The following NF1 variants were observed in gnomAD, a reference collection of about 807,000 sequenced individuals.
NF1 encodes neurofibromin.
NF1 carries 122 observed loss-of-function variants against 325.7 expected under a neutral mutation model. The ratio of observed to expected loss-of-function variants is 0.37; its 90% CI spans 0.32 to 0.44. NF1 has a LOEUF of 0.44. Among genes scored for constraint, NF1 ranks in the 20% least tolerant of loss-of-function variants. The pLI is 1.00. For missense variants in NF1, 2,140 were observed against 3,415.4 expected (o/e 0.63, Z 9.31); for synonymous variants, 1,091 against 1,186.0 (o/e 0.92, Z 1.65).
At chr17:31,232,347 G>C (rs2067127565) in intron 25 of NF1, among the ~76,000 whole-genome samples, 158 bp downstream of exon 25, 1 of 151,898 alleles carries the variant, frequency 6.6e-6, no homozygotes, top group Non-Finnish European at 1.5e-5. Context: ...GTGAAATTTT[G>C]CTTATAATAA....
At chr17:31,291,928 A>G (rs981295555) in intron 36 of NF1, among the ~76,000 whole-genome samples, 1 of 152,224 alleles carries the variant, frequency 6.6e-6, no homozygotes, top group African/African-American at 2.4e-5. Flanking sequence ...GGAATTTCTC[A>G]TAGCATTGGG....
At chr17:31,179,802 G>C (rs1349701626) in intron 5 of NF1, among the ~76,000 whole-genome samples, 1 of 151,218 alleles carries the variant, frequency 6.6e-6, no homozygotes, top group Admixed American at 6.6e-5. Context: ...AAAAATCAAT[G>C]AATCCAGGAG....
intron 17 of NF1, among the ~76,000 whole-genome samples, chr17:31,225,659 T>C (rs1349867120): frequency 6.6e-6 from 1 of 152,198 alleles, no homozygotes; most frequent in Non-Finnish European, 1.5e-5. Context: ...TTTTGCTTCA[T>C]GTTAAAGATA....
At chr17:31,339,920 G>A (rs886226564) in intron 46 of NF1, among the ~76,000 whole-genome samples, 7 of 152,206 alleles carry the variant, frequency 4.6e-5, no homozygotes, top group African/African-American at 1.4e-4. Flanking sequence ...ACAATGGAGG[G>A]AAGGTGGGTA....
intron 36 of NF1, chr17:31,313,870 A>G (rs1050085511): frequency 2.3e-5 from 9 of 392,334 alleles, no homozygotes; most frequent in Admixed American, 4.4e-5. Context: ...AAAACCTGTT[A>G]TAGACATCTT....
chr17:31,318,649 T>C (rs1173999123), intron 36 of NF1: 1 of 1,613,988 alleles, frequency 6.2e-7, no homozygotes, highest in Non-Finnish European at 8.5e-7. Flanking sequence ...GACATCCTTT[T>C]TGAAAATTTC....
intron 4 of NF1, among the ~76,000 whole-genome samples, chr17:31,169,161 T>C (rs2065892605): frequency 6.6e-6 from 1 of 152,178 alleles, no homozygotes; most frequent in Non-Finnish European, 1.5e-5. Flanking sequence ...TTTTTGACAG[T>C]TGAGATGCCT....
At chr17:31,246,109 T>C (rs896344417) in intron 29 of NF1, among the ~76,000 whole-genome samples, 1 of 152,216 alleles carries the variant, frequency 6.6e-6, no homozygotes, top group Non-Finnish European at 1.5e-5. Flanking sequence ...GAGTACTTAG[T>C]GTGGAATACC....
At chr17:31,311,579 A>G (rs191918910) in intron 36 of NF1, among the ~76,000 whole-genome samples, 169 of 152,352 alleles carry the variant, frequency 1.1e-3, no homozygotes, top group African/African-American at 3.8e-3. Flanking sequence ...CAACTACAAT[A>G]GGAAGTATTT....
intron 13 of NF1, among the ~76,000 whole-genome samples, chr17:31,218,303 G>T (rs916835774): frequency 6.6e-6 from 1 of 152,114 alleles, no homozygotes; most frequent in Non-Finnish European, 1.5e-5. Context: ...ATGGGAATTC[G>T]TGGTTTTTGT....
At chr17:31,288,564 C>T (rs1220749163) in intron 36 of NF1, among the ~76,000 whole-genome samples, 1 of 136,588 alleles carries the variant, frequency 7.3e-6, no homozygotes, top group Non-Finnish European at 1.6e-5. Flanking sequence ...GAGACAGAGT[C>T]TTGCTCTTGT....
chr17:31,278,824 A>G (rs1190262233), intron 36 of NF1, among the ~76,000 whole-genome samples: 1 of 152,006 alleles, frequency 6.6e-6, no homozygotes, highest in Non-Finnish European at 1.5e-5. Flanking sequence ...CACATTGGCC[A>G]GGCTGGTCTG....
intron 37 of NF1, among the ~76,000 whole-genome samples, chr17:31,326,832 C>G (rs1176329316): frequency 6.6e-6 from 1 of 151,900 alleles, no homozygotes; most frequent in Non-Finnish European, 1.5e-5. Flanking sequence ...GTAGAAATTA[C>G]CTAATGAGAG....
At chr17:31,252,241 A>G (rs1223420151) in intron 30 of NF1, 1 of 208,630 alleles carries the variant, frequency 4.8e-6, no homozygotes, top group Non-Finnish European at 9.7e-6. Context: ...CTTTAATAAT[A>G]TTAATGCTTC....
At chr17:31,139,883 C>G (rs1475077742) in intron 1 of NF1, among the ~76,000 whole-genome samples, 1 of 152,142 alleles carries the variant, frequency 6.6e-6, no homozygotes, top group Non-Finnish European at 1.5e-5. Context: ...GGGTCTCTTC[C>G]TCTGAGATCA....
chr17:31,243,629 C>T (rs2067342245), intron 29 of NF1, among the ~76,000 whole-genome samples: 1 of 151,966 alleles, frequency 6.6e-6, no homozygotes, highest in Non-Finnish European at 1.5e-5. Flanking sequence ...CTGGCTACCA[C>T]TGATGTTCAC....
chr17:31,311,123 T>G (rs1198685868), intron 36 of NF1, among the ~76,000 whole-genome samples: 15 of 152,012 alleles, frequency 9.9e-5, no homozygotes, highest in Admixed American at 9.8e-4. Flanking sequence ...CAACTAATTT[T>G]TGTATTTTTT....
At chr17:31,104,741 A>T (rs925750364) in intron 1 of NF1, among the ~76,000 whole-genome samples, 13 of 152,222 alleles carry the variant, frequency 8.5e-5, no homozygotes, top group African/African-American at 2.9e-4. Flanking sequence ...TTCAGTAAAC[A>T]GAGTACTCTC....
At chr17:31,100,502 C>T (rs901351499) in intron 1 of NF1, among the ~76,000 whole-genome samples, 4 of 151,888 alleles carry the variant, frequency 2.6e-5, no homozygotes, top group African/African-American at 9.7e-5. Context: ...GGTGCTGAAT[C>T]GAGCACAATA....
Sources: gnomAD v4.1 joint callset for allele counts (sites outside exome capture counted in the v4.1 genomes callset) on GRCh38, gnomAD v4.1.1 for gene constraint, MANE v1.5 for transcripts, NCBI Gene and HGNC (gene_info 2026-07-23, HGNC 2026-07-21) for gene names.